Variants in TTC6 observed in about 807,000 individuals in gnomAD.
The protein encoded by TTC6 is tetratricopeptide repeat protein 6.
In TTC6, 172 loss-of-function variants were observed where a neutral mutation model predicts 210.4. The ratio of observed to expected loss-of-function variants is 0.82; its 90% CI spans 0.72 to 0.93. The LOEUF (loss-of-function observed/expected upper bound fraction) is 0.93, where lower values mean the gene tolerates loss of function less well. Among genes scored for constraint, TTC6 ranks in the 40% least tolerant of loss-of-function variants. TTC6 has a pLI of 0.00. For missense variants in TTC6, 2,414 were observed against 2,318.1 expected (o/e 1.04, Z -0.85); for synonymous variants, 804 against 819.6 (o/e 0.98, Z 0.32).
chr14:37,820,875 TCTC>T (rs1345631799), intron 26 of TTC6, among the ~76,000 whole-genome samples: 98 of 146,122 alleles, frequency 6.7e-4, no homozygotes, highest in East Asian at 1.0e-3. Context: ...TCTTCCTCCT[TCTC>T]CTCCTCCTTC....
At chr14:37,839,153 T>C (rs1466144509) in intron 29 of TTC6, among the ~76,000 whole-genome samples, 5 of 152,208 alleles carry the variant, frequency 3.3e-5, no homozygotes, top group Non-Finnish European at 7.3e-5. Context: ...ATCCTTTGGG[T>C]ATATACCCAG....
intron 3 of TTC6, among the ~76,000 whole-genome samples, chr14:37,692,218 A>AAAAAAAAAAAAAAAAAAAAAAAAAG (rs2095804917): frequency 6.8e-6 from 1 of 147,192 alleles, no homozygotes; most frequent in Non-Finnish European, 1.5e-5. Flanking sequence ...CAAAAAAAAA[A>AAAAAAAAAAAAAAAAAAAAAAAAAG]AAAAAAAAAA....
chr14:37,658,274 C>T (rs932727661), intron 1 of TTC6, among the ~76,000 whole-genome samples: 2 of 152,100 alleles, frequency 1.3e-5, no homozygotes, highest in African/African-American at 4.8e-5. Flanking sequence ...AGGTGGTGAG[C>T]CAGATTTGGT....
chr14:37,602,785 C>G (rs2095618275), intron 1 of TTC6, among the ~76,000 whole-genome samples: 1 of 152,162 alleles, frequency 6.6e-6, no homozygotes, highest in East Asian at 1.9e-4. Context: ...CAAGCCTCAC[C>G]CACCTTAGAG....
chr14:37,826,411 A>C, intron 28 of TTC6, 64 bp downstream of exon 30: 1 of 1,342,084 alleles, frequency 7.5e-7, no homozygotes, highest in Non-Finnish European at 9.9e-7. Context: ...AATAGGTGCA[A>C]GTAAGAAGTT....
chr14:37,605,876 T>A (rs1371634339), intron 1 of TTC6, among the ~76,000 whole-genome samples: 2 of 151,686 alleles, frequency 1.3e-5, no homozygotes, highest in East Asian at 3.9e-4. Context: ...CTTTTTCAAA[T>A]GGATAGTTTT....
chr14:37,665,228 G>A (rs918958902), intron 1 of TTC6, among the ~76,000 whole-genome samples: 8 of 150,432 alleles, frequency 5.3e-5, no homozygotes, highest in African/African-American at 1.5e-4. Flanking sequence ...ATTCACAATA[G>A]CAAAGACATG....
At chr14:37,783,422 A>G (rs8021124) in intron 14 of TTC6, among the ~76,000 whole-genome samples, 143,134 of 152,174 alleles carry the variant, frequency 0.94, 67,643 homozygotes, top group Non-Finnish European at 1. Flanking sequence ...TTGCATAGAG[A>G]TGTTTATAGT....
rs34766491 is a variant in TTC6, at chr14:37,792,776, TTGTGTGTG to T, written c.3708+398_3708+405del. On this transcript the variant is annotated intron_variant, in intron 17 of 30. Coordinates refer to ENST00000553443, the Ensembl canonical transcript of TTC6. ...AACAATTTGAGTCTATGGTCCAATG[TTGTGTGTG>T]TGTGTGTGTGTGTGTGTGTGTGTGT... 8.4e-3 allele frequency among the ~76,000 whole-genome samples: 1,172 copies of T among 140,078 alleles called. 17 individuals are homozygous for T. The highest frequency in any genetic ancestry group is 0.028 in the African/African-American group (1,028 of 37,354). The allele number at this position is 140,078 out of a possible 152,430, so 91.9% of individuals were successfully genotyped here.
intron 29 of TTC6, among the ~76,000 whole-genome samples, chr14:37,832,525 T>C (rs1280248888): frequency 2.6e-5 from 4 of 152,086 alleles, no homozygotes; most frequent in Non-Finnish European, 5.9e-5. Flanking sequence ...CATTTTCATT[T>C]GTTTCAAGAA....
intron 25 of TTC6, among the ~76,000 whole-genome samples, chr14:37,816,498 C>T (rs1812588185): frequency 6.6e-6 from 1 of 152,146 alleles, no homozygotes; most frequent in Non-Finnish European, 1.5e-5. Context: ...CCTTTTGCCA[C>T]TCCACAGAAG....
intron 11 of TTC6, 28 bp from the exon 14 acceptor site, chr14:37,749,686 T>C (rs1328337081): frequency 7.6e-7 from 1 of 1,320,742 alleles, no homozygotes; most frequent in Non-Finnish European, 9.7e-7. Flanking sequence ...AAATCAACTT[T>C]AACTGAATTT....
intron 1 of TTC6, among the ~76,000 whole-genome samples, chr14:37,669,470 A>T (rs2095754350): frequency 6.6e-6 from 1 of 152,162 alleles, no homozygotes; most frequent in Admixed American, 6.5e-5. Context: ...TTTCTTAAGA[A>T]CTATTTTAAG....
At chr14:37,764,074 C>A (rs1595219018) in intron 14 of TTC6, among the ~76,000 whole-genome samples, 2 of 151,946 alleles carry the variant, frequency 1.3e-5, no homozygotes, top group South Asian at 2.1e-4. Context: ...TTTCCACGTA[C>A]TTGTGAATTT....
chr14:37,663,217 T>A (rs1566872447), intron 1 of TTC6, among the ~76,000 whole-genome samples: 2 of 152,094 alleles, frequency 1.3e-5, no homozygotes, highest in Non-Finnish European at 2.9e-5. Context: ...GTTGGTGATT[T>A]TTGTACATTC....
At position 37,738,973 on chromosome 14, in the gene TTC6, CAT is replaced by C. The variant is rs1420788670; in HGVS notation, c.2182_2183del (p.Met728ValfsTer15). On this transcript the variant is annotated frameshift_variant, in exon 10 of 31. Coordinates refer to ENST00000553443, the Ensembl canonical transcript of TTC6. LOFTEE classifies it high-confidence loss of function. Reference sequence around the variant, plus strand: ...AAAGTATAGATGACATCTTTGATAACATGTGCGAAAAACACAGTTTGAGAAAT... The same window carrying C: ...AAAGTATAGATGACATCTTTGATAACGTGCGAAAAACACAGTTTGAGAAAT... The C allele has an allele frequency of 1.2e-5, 19 of 1,535,222 alleles. No individual in the cohort carries two copies. Among genetic ancestry groups the C allele is most frequent in the South Asian group, 7.1e-5 (6 of 83,930 alleles).
At chr14:37,708,817 A>C (rs1420614713) in intron 5 of TTC6, among the ~76,000 whole-genome samples, 1 of 152,000 alleles carries the variant, frequency 6.6e-6, no homozygotes, top group Non-Finnish European at 1.5e-5. Context: ...GGAACTGAAA[A>C]TCCTGTTTTG....
At chr14:37,841,460 T>C in exon 30 of TTC6, 1 of 1,590,278 alleles carries the variant, frequency 6.3e-7, no homozygotes, top group South Asian at 1.2e-5. Flanking sequence ...TGACTACTTC[T>C]CAAAAGCTTT....
intron 5 of TTC6, 43 bp from the exon 8 acceptor site, chr14:37,714,612 C>T (rs2095849523): frequency 6.7e-7 from 1 of 1,503,404 alleles, no homozygotes; most frequent in Non-Finnish European, 8.9e-7. Context: ...TATACTTTGT[C>T]AATTACTTAA....
Sources: allele counts gnomAD v4.1 joint callset (sites outside exome capture counted in the v4.1 genomes callset), GRCh38; gene constraint gnomAD v4.1.1; transcripts MANE v1.5; gene names NCBI Gene and HGNC (gene_info 2026-07-23, HGNC 2026-07-21).